Variants in MBNL2 observed in about 807,000 individuals in gnomAD.
MBNL2 encodes muscleblind like splicing regulator 2.
Under a neutral mutation model 41.9 loss-of-function variants are expected in MBNL2, and 17 were observed. The ratio of observed to expected loss-of-function variants is 0.41; its 90% CI spans 0.28 to 0.61. The LOEUF (loss-of-function observed/expected upper bound fraction) is 0.61. Among genes scored for constraint, MBNL2 ranks in the 20% least tolerant of loss-of-function variants. MBNL2 has a pLI of 0.35. For synonymous variants in MBNL2, 195 were observed against 182.9 expected, an observed-to-expected ratio of 1.07 and a Z score of -0.53; for missense variants, 336 against 505.6, an observed-to-expected ratio of 0.66 and a Z score of 3.22.
At chr13:97,207,424 G>A in the MBNL2 span, among the ~76,000 whole-genome samples, 25 of 152,172 alleles carry the variant, frequency 1.6e-4, no homozygotes, top group Admixed American at 1.5e-3. Context: ...CACAATCATG[G>A]TGGAAGGCAA....
intron 2 of MBNL2, among the ~76,000 whole-genome samples, chr13:97,289,488 G>A (rs2055376064): frequency 6.6e-6 from 1 of 152,032 alleles, no homozygotes; most frequent in African/African-American, 2.4e-5. Flanking sequence ...GTTAACAGAA[G>A]TTGGGATAGC....
intron 2 of MBNL2, among the ~76,000 whole-genome samples, chr13:97,310,716 A>G (rs2058521222): frequency 6.6e-6 from 1 of 151,414 alleles, no homozygotes; most frequent in Admixed American, 6.6e-5. Context: ...GGAGTGAACC[A>G]CTGAGCCCGG....
In MBNL2 at chr13:97,276,147, A is replaced by T; in HGVS notation, c.-89A>T. 1 of 972,534 alleles carries T rather than the reference A, an allele frequency of 1.0e-6. No individual in the cohort carries two copies. Among genetic ancestry groups the T allele is most frequent in the Admixed American group, 2.0e-5 (1 of 51,196 alleles). The allele number at this position is 972,534 out of a possible 1,614,324, so 60.2% of individuals were successfully genotyped here. A position where few individuals can be genotyped will look rare whatever the true frequency, so the allele number is the denominator to read the frequency against. Reference sequence around the variant, plus strand: ...ACTCACCTTCAGACTTACATGTGGGAGTTTTCACAACAGTAGTTTTGGAAT... The same window carrying T: ...ACTCACCTTCAGACTTACATGTGGGTGTTTTCACAACAGTAGTTTTGGAAT... On this transcript the variant is annotated 5_prime_UTR_variant, in exon 2 of 9. Transcript: ENST00000679496.
chr13:97,261,055 C>T (rs2048524120), intron 1 of MBNL2, among the ~76,000 whole-genome samples: 1 of 151,924 alleles, frequency 6.6e-6, no homozygotes, highest in Non-Finnish European at 1.5e-5. Context: ...ACTGCTTCCT[C>T]CAACACTGTC....
intron 8 of MBNL2, among the ~76,000 whole-genome samples, chr13:97,383,720 A>G (rs751332665): frequency 6.6e-6 from 1 of 152,052 alleles, no homozygotes; most frequent in Non-Finnish European, 1.5e-5. Context: ...ATATTTGATA[A>G]TTTTTCCCCA....
chr13:97,205,227 A>AT, the MBNL2 span, among the ~76,000 whole-genome samples: 3 of 138,500 alleles, frequency 2.2e-5, no homozygotes, highest in South Asian at 2.2e-4. Flanking sequence ...TTATATTAAA[A>AT]ATATATATAT....
the MBNL2 span, among the ~76,000 whole-genome samples, chr13:97,184,596 C>T: frequency 6.6e-6 from 1 of 152,192 alleles, no homozygotes; most frequent in Non-Finnish European, 1.5e-5. Context: ...GATTCTCCTG[C>T]CTCAGCCTCC....
chr13:97,331,091 G>C (rs964197622), intron 2 of MBNL2, among the ~76,000 whole-genome samples: 2 of 152,182 alleles, frequency 1.3e-5, no homozygotes, highest in African/African-American at 4.8e-5. Context: ...GAATCAAAGA[G>C]CCAGTCAAAA....
chr13:97,326,448 T>G lies in MBNL2; in HGVS notation c.175-7828T>G, dbSNP rs1359723954. On this transcript the variant is annotated intron_variant, in intron 2 of 8. Transcript: ENST00000679496. Reference sequence around the variant, plus strand: ...TGTCATTAATAAGTACAAAATGTTGTGGTATTCACCAAAAATTATTTGCAT... The same window carrying G: ...TGTCATTAATAAGTACAAAATGTTGGGGTATTCACCAAAAATTATTTGCAT... Among the ~76,000 whole-genome samples, 23 of 152,222 alleles carry G rather than the reference T, an allele frequency of 1.5e-4. 1 individual carries two copies. Among genetic ancestry groups the G allele is most frequent in the Non-Finnish European group, 1.5e-4 (10 of 68,036 alleles).
chr13:97,183,084 A>C, the MBNL2 span, among the ~76,000 whole-genome samples: 1 of 152,204 alleles, frequency 6.6e-6, no homozygotes, highest in African/African-American at 2.4e-5. Context: ...GATGCATCAA[A>C]ATCAAAGGTT....
chr13:97,320,450 G>A (rs894701935), intron 2 of MBNL2, among the ~76,000 whole-genome samples: 1 of 151,670 alleles, frequency 6.6e-6, no homozygotes, highest in Non-Finnish European at 1.5e-5. Flanking sequence ...TAGAGCCGGG[G>A]TTTCACCATG....
At chr13:97,204,916 A>G in the MBNL2 span, among the ~76,000 whole-genome samples, 1 of 152,078 alleles carries the variant, frequency 6.6e-6, no homozygotes, top group Non-Finnish European at 1.5e-5. Context: ...TCTACTAAAA[A>G]TATAAAAATT....
intron 2 of MBNL2, among the ~76,000 whole-genome samples, chr13:97,300,553 G>A (rs1371912798): frequency 2.6e-5 from 4 of 152,156 alleles, no homozygotes; most frequent in Non-Finnish European, 2.9e-5. Context: ...GACAGGAGGC[G>A]GAGCTCAGGC....
At chr13:97,356,720 C>A in intron 5 of MBNL2, 76 bp from the exon 6 acceptor site, 1 of 812,446 alleles carries the variant, frequency 1.2e-6, no homozygotes, top group Non-Finnish European at 1.9e-6. Context: ...CCTCTGCTTG[C>A]TGTTTACCTG....
intron 8 of MBNL2, among the ~76,000 whole-genome samples, chr13:97,380,513 A>C (rs375748609): frequency 2.0e-4 from 31 of 152,050 alleles, no homozygotes; most frequent in East Asian, 1.4e-3. Context: ...AACAAACAAA[A>C]AAAAACCACA....
At chr13:97,231,170 C>T (rs1364772614) in intron 1 of MBNL2, among the ~76,000 whole-genome samples, 1 of 152,146 alleles carries the variant, frequency 6.6e-6, no homozygotes, top group Admixed American at 6.5e-5. Context: ...AAGAAAATAG[C>T]CTTTCATGAT....
intron 2 of MBNL2, among the ~76,000 whole-genome samples, chr13:97,295,531 T>C (rs548156878): frequency 6.6e-6 from 1 of 152,308 alleles, no homozygotes; most frequent in East Asian, 1.9e-4. Context: ...CATACTTGGT[T>C]CATTTCATTC....
At chr13:97,386,135 T>C (rs755363466) in intron 8 of MBNL2, among the ~76,000 whole-genome samples, 9 of 152,244 alleles carry the variant, frequency 5.9e-5, no homozygotes, top group Non-Finnish European at 1.2e-4. Context: ...GCCAAATGTC[T>C]GAAAGTTGTA....
the MBNL2 span, among the ~76,000 whole-genome samples, chr13:97,155,396 T>TAA: frequency 6.9e-6 from 1 of 144,656 alleles, no homozygotes; most frequent in Non-Finnish European, 1.5e-5. Flanking sequence ...TTTTTTTTAT[T>TAA]TTTTTTTTTA....
Sources: allele counts gnomAD v4.1 joint callset (sites outside exome capture counted in the v4.1 genomes callset), GRCh38; gene constraint gnomAD v4.1.1; transcripts MANE v1.5; gene names NCBI Gene and HGNC (gene_info 2026-07-23, HGNC 2026-07-21).